The following MYRF variants were observed in gnomAD, a reference collection of about 807,000 sequenced individuals.
The protein encoded by MYRF is myelin regulatory factor.
In MYRF, 16 loss-of-function variants were observed where a neutral mutation model predicts 126.3. The ratio of observed to expected loss-of-function variants is 0.13; its 90% CI spans 0.09 to 0.19. The LOEUF is 0.19. Among genes scored for constraint, MYRF ranks in the 10% least tolerant of loss-of-function variants. MYRF has a pLI of 1.00. For synonymous variants in MYRF, 608 were observed against 635.3 expected (o/e 0.96, Z 0.65); for missense variants, 1,104 against 1,547.0 (o/e 0.71, Z 4.80).
chr11:61,775,711 TG>T (rs1287842661), intron 8 of MYRF, among the ~76,000 whole-genome samples: 2 of 147,154 alleles, frequency 1.4e-5, no homozygotes, highest in African/African-American at 5.1e-5. Context: ...GGGCTGTGAG[TG>T]TGTGTGTGTG....
In MYRF at chr11:61,777,359, C is replaced by T. The variant is rs972407803; in HGVS notation, c.1686C>T (p.Ile562=). 25 of 1,613,762 alleles carry T rather than the reference C, an allele frequency of 1.5e-5. No homozygotes were observed. The highest frequency in any genetic ancestry group is 2.0e-5 in the Non-Finnish European group (24 of 1,180,052). ...DTVFHHGRVG[I]NTDRPDEALV... ...TCTTCCACCACGGCCGCGTGGGCATCAACACAGACCGGCCGGATGAGGCGC... is the reference window on the plus strand; with the variant it reads ...TCTTCCACCACGGCCGCGTGGGCATTAACACAGACCGGCCGGATGAGGCGC... Residue 562 remains isoleucine, a synonymous_variant, in exon 12 of 27, where the codon ATC becomes ATT. Transcript: ENST00000278836. This position sits in a 1 kb window ranked among gnomAD's most constrained non-coding sequence, Gnocchi z 8.8.
intron 17 of MYRF, 78 bp downstream of exon 17, chr11:61,780,008 C>A: frequency 7.3e-7 from 1 of 1,374,698 alleles, no homozygotes; most frequent in Non-Finnish European, 1.0e-6. Context: ...CCCATGGGCT[C>A]AGGCCTGGGG....
At chr11:61,780,639 G>T (rs2066515996) in intron 18 of MYRF, 73 bp from the exon 19 acceptor site, 2 of 1,445,708 alleles carry the variant, frequency 1.4e-6, no homozygotes, top group African/African-American at 2.8e-5. Context: ...AGCTCCTGGG[G>T]CCACCTCTGA....
intron 5 of MYRF, among the ~76,000 whole-genome samples, chr11:61,770,948 C>T (rs957274227): frequency 3.9e-5 from 6 of 152,162 alleles, no homozygotes; most frequent in African/African-American, 1.4e-4. Context: ...TCAACCTGCA[C>T]GATTGTCTTT....
At chr11:61,773,258 G>A (rs1591109462) in intron 7 of MYRF, among the ~76,000 whole-genome samples, 1 of 152,120 alleles carries the variant, frequency 6.6e-6, no homozygotes, top group South Asian at 2.1e-4. Context: ...AAAGTGCTGG[G>A]ATTACAGGCG....
Position 61,779,118 on chromosome 11 carries a change from C to T in MYRF, c.2014-145C>T, listed in dbSNP as rs1012874200. On this transcript the variant is annotated intron_variant, in intron 14 of 26. Transcript: ENST00000278836. ...CCGAGGCTGGATTGGAGGGGCCCGC[C>T]CAGGTAGGGAGACTTTGAGGGCCTC... 1.3e-5 allele frequency: 11 copies of T among 871,282 alleles called. No homozygotes were observed. The African/African-American group carries it at 1.9e-4, about 15-fold the overall frequency. 54.0% of individuals were successfully genotyped at this position (871,282 alleles called of 1,614,324 possible). A position where few individuals can be genotyped will look rare whatever the true frequency, so the allele number is the denominator to read the frequency against.
chr11:61,766,503 A>G, intron 3 of MYRF: 1 of 435,744 alleles, frequency 2.3e-6, no homozygotes, highest in Non-Finnish European at 4.1e-6. Context: ...GAGAGTGGAC[A>G]GGAAGCGGCG....
intron 1 of MYRF, among the ~76,000 whole-genome samples, chr11:61,759,682 A>T (rs183602757): frequency 1.3e-5 from 2 of 148,404 alleles, no homozygotes; most frequent in East Asian, 2.0e-4. Context: ...AAAGAAAGGT[A>T]AAAAAAAAAG....
Position 61,783,415 on chromosome 11 carries a change from G to A in MYRF, c.3017-83G>A, listed in dbSNP as rs1473034673. On this transcript the variant is annotated intron_variant, in intron 22 of 26. Transcript: ENST00000278836. The surrounding 1 kb of genome is among the most constrained non-coding windows in gnomAD (Gnocchi z 4.6). The stretch of plus-strand genomic sequence containing the variant: ...GGAACTTATTCATACTAAGGTGTGA[G>A]TGACTGCTTCAAGTCTGGCAAGGAA... The A allele has an allele frequency of 2.4e-5, 26 of 1,063,632 alleles. No individual in the cohort carries two copies. In the East Asian group the frequency reaches 2.9e-4, roughly 12 times the overall value. The allele number at this position is 1,063,632 out of a possible 1,614,324, so 65.9% of individuals were successfully genotyped here.
chr11:61,781,600 T>C lies in MYRF; in HGVS notation c.2792T>C (p.Val931Ala), dbSNP rs1591128717. 6.2e-7 allele frequency: 1 copy of C among 1,613,846 alleles called. No homozygotes were observed. The highest frequency in any genetic ancestry group is 2.2e-5 in the East Asian group (1 of 44,876). Residue 931 changes from valine (V) to alanine (A), a missense_variant, in exon 22 of 27, where the codon GTC becomes GCC. Transcript: ENST00000278836. ...SGPSQMALLP[V>A]TNIRAKSWGL... Reference sequence around the variant, plus strand: ...CCCAGCCAGATGGCCCTTCTGCCAGTCACCAACATCAGAGCCAAGTCCTGG... The same window carrying C: ...CCCAGCCAGATGGCCCTTCTGCCAGCCACCAACATCAGAGCCAAGTCCTGG...
rs759920513 is a variant in MYRF at position 61,773,964 on chromosome 11, C to T, written c.1116-3C>T. Reference sequence around the variant, plus strand: ...AGGGGAGTGCCCTCACCCGCCCCCCCAGGCCCATGCTCACCTACCGCGTGG... The same window carrying T: ...AGGGGAGTGCCCTCACCCGCCCCCCTAGGCCCATGCTCACCTACCGCGTGG... On this transcript the variant is annotated splice_region_variant and splice_polypyrimidine_tract_variant and intron_variant, in intron 7 of 26. Transcript: ENST00000278836. 1.9e-6 allele frequency: 3 copies of T among 1,606,892 alleles called. No individual in the cohort carries two copies. The highest frequency in any genetic ancestry group is 1.1e-5 in the South Asian group (1 of 90,938).
intron 1 of MYRF, among the ~76,000 whole-genome samples, chr11:61,762,785 G>A (rs1010757660): frequency 6.6e-5 from 10 of 152,208 alleles, no homozygotes; most frequent in African/African-American, 1.7e-4. Flanking sequence ...GAGGCCCTCC[G>A]AGCCCCCAAC....
rs775826220 is a variant in MYRF, at chr11:61,767,144, T to G, written c.398+923T>G. On this transcript the variant is annotated intron_variant, in intron 3 of 26. Coordinates refer to ENST00000278836, the MANE Select transcript of MYRF (RefSeq NM_001127392.3). ...GGCCGTGCTTCCTGAGCTCCCTGGC[T>G]TTTGGGGAGAAGGGAGTGGAGGCCA... The G allele has an allele frequency of 1.4e-4, 65 of 456,344 alleles. 1 individual carries two copies. Among genetic ancestry groups the G allele is most frequent in the African/African-American group, 1.3e-3 (65 of 50,196 alleles). 28.3% of individuals were successfully genotyped at this position (456,344 alleles called of 1,614,324 possible).
At position 61,777,428 on chromosome 11, in the gene MYRF, C is replaced by G. The variant is rs572657080; in HGVS notation, c.1755C>G (p.His585Gln). The G allele has an allele frequency of 1.2e-5, 19 of 1,613,408 alleles. No homozygotes were observed. In the South Asian group the frequency reaches 2.0e-4, roughly 17 times the overall value. ...GNVKVMGSLM[H>Q]PSDLRAKEHV... ...TCAAGGTCATGGGCTCGCTTATGCA[C>G]CCCTCCGACCTGCGCGCCAAGGAAC... The change falls in exon 12 of 27, where the codon CAC becomes CAG. Residue 585 changes from histidine to glutamine, a missense_variant. Around this residue, in one of 10 missense-constraint regions of MYRF, gnomAD observed 123 missense variants for 209.1 expected, o/e 0.59. Coordinates refer to ENST00000278836, the MANE Select transcript of MYRF (RefSeq NM_001127392.3). The surrounding 1 kb of genome is among the most constrained non-coding windows in gnomAD (Gnocchi z 8.8).
rs2066688693 is a variant in MYRF at position 61,786,134 on chromosome 11, G to A, written c.3447G>A (p.Leu1149=). ...ATDYHFHFYR[L]CD is the part of the protein sequence containing the mutation. ...ACTACCACTTCCACTTCTACCGCCT[G>A]TGTGACTGAGCTGCCCTCCTGAGGC... is the stretch of plus-strand genomic sequence containing the variant. Residue 1149 remains leucine, a synonymous_variant, in exon 27 of 27, where the codon CTG becomes CTA. Coordinates refer to ENST00000278836, the MANE Select transcript of MYRF (RefSeq NM_001127392.3). The surrounding 1 kb of genome is among the most constrained non-coding windows in gnomAD (Gnocchi z 4.5). The A allele has an allele frequency of 6.2e-7, 1 of 1,614,172 alleles. No homozygotes were observed. The highest frequency in any genetic ancestry group is 8.5e-7 in the Non-Finnish European group (1 of 1,180,002).
intron 8 of MYRF, among the ~76,000 whole-genome samples, 199 bp from the exon 9 acceptor site, chr11:61,775,857 G>A (rs2066365597): frequency 6.6e-6 from 1 of 151,842 alleles, no homozygotes; most frequent in South Asian, 2.1e-4. Flanking sequence ...GGGTGAGGAG[G>A]GTGTGGGTGT....
chr11:61,781,743 G>C lies in MYRF; in HGVS notation c.2935G>C (p.Gly979Arg). ...QGKAKNSPSL[G>R]FHGRARRGAL... ...CAAAGCCAAGAACAGTCCCAGCCTT[G>C]GTTTCCATGGCCGGGCCCGCCGAGG... Residue 979 changes from glycine (G) to arginine (R), a missense_variant, in exon 22 of 27, where the codon GGT (glycine) becomes CGT (arginine). Coordinates refer to ENST00000278836, the MANE Select transcript of MYRF (RefSeq NM_001127392.3). 1 of 1,612,414 alleles carries C rather than the reference G, an allele frequency of 6.2e-7. No homozygotes were observed. Among genetic ancestry groups the C allele is most frequent in the Non-Finnish European group, 8.5e-7 (1 of 1,179,638 alleles).
chr11:61,773,156 A>G (rs1019286672), intron 7 of MYRF, among the ~76,000 whole-genome samples: 11 of 151,822 alleles, frequency 7.2e-5, no homozygotes, highest in African/African-American at 2.7e-4. Flanking sequence ...CAGGCGGCTG[A>G]TTTTTGTATT....
intron 1 of MYRF, among the ~76,000 whole-genome samples, chr11:61,763,596 G>A (rs996702733): frequency 6.6e-6 from 1 of 152,254 alleles, no homozygotes; most frequent in Non-Finnish European, 1.5e-5. Context: ...GGGCGTGGTG[G>A]CTCACGCCTG....
Sources: allele counts gnomAD v4.1 joint callset (sites outside exome capture counted in the v4.1 genomes callset), GRCh38; gene constraint gnomAD v4.1.1; regional missense constraint gnomAD v4.1.1; non-coding constraint Gnocchi (gnomAD v3.1); transcripts MANE v1.5; gene names NCBI Gene and HGNC (gene_info 2026-07-23, HGNC 2026-07-21).